The following MSRA variants were observed in gnomAD, a reference collection of about 807,000 sequenced individuals.
MSRA encodes the protein methionine sulfoxide reductase A.
In MSRA, 54 loss-of-function variants were observed where a neutral mutation model predicts 31.3. That is an observed-to-expected ratio of 1.73 (90% CI 1.39 to 2.17). The LOEUF is 2.17. Among genes scored for constraint, MSRA ranks in the 30% most tolerant of loss-of-function variants. The pLI, the probability that MSRA is intolerant of heterozygous loss-of-function variation, is 0.00. For missense variants in MSRA, 507 were observed against 300.9 expected, an observed-to-expected ratio of 1.69 and a Z score of -5.07; for synonymous variants, 169 against 116.5, an observed-to-expected ratio of 1.45 and a Z score of -2.90.
chr8:10,283,129 T>TACAC (rs66507479), intron 3 of MSRA, among the ~76,000 whole-genome samples: 16,087 of 138,466 alleles, frequency 0.12, 1,134 homozygotes, highest in Admixed American at 0.22. Context: ...ATATTCACAT[T>TACAC]ACACACACAC....
chr8:10,069,468 A>G (rs557995915), intron 1 of MSRA, among the ~76,000 whole-genome samples: 6 of 152,376 alleles, frequency 3.9e-5, no homozygotes, highest in African/African-American at 1.4e-4. Flanking sequence ...TAATTTATAA[A>G]GAAACGTATT....
chr8:10,309,050 C>T (rs965449758), intron 4 of MSRA, among the ~76,000 whole-genome samples: 3 of 152,216 alleles, frequency 2.0e-5, no homozygotes, highest in South Asian at 2.1e-4. Flanking sequence ...CTGAAGATAT[C>T]GTCCTCAGAA....
At chr8:10,291,807 C>G (rs971592205) in intron 3 of MSRA, among the ~76,000 whole-genome samples, 8 of 152,144 alleles carry the variant, frequency 5.3e-5, no homozygotes, top group Non-Finnish European at 1.2e-4. Context: ...AAAAAAATTA[C>G]TGTGTCTCCC....
chr8:10,392,548 C>G (rs896800505), intron 5 of MSRA, among the ~76,000 whole-genome samples: 1 of 152,132 alleles, frequency 6.6e-6, no homozygotes, highest in African/African-American at 2.4e-5. Flanking sequence ...CGATGATGCT[C>G]TTTGTGTTGT....
Position 10,198,206 on chromosome 8 carries a change from A to G in MSRA, c.143-9627A>G, listed in dbSNP as rs567169511. On this transcript the variant is annotated intron_variant, in intron 1 of 5. Transcript: ENST00000317173. The stretch of plus-strand genomic sequence containing the variant: ...AAATAAAAGTATAAAGAAGGAAGCA[A>G]AATCACCCATAAATCAGCATATAAA... Among the ~76,000 whole-genome samples the G allele has an allele frequency of 2.2e-3, 329 of 152,302 alleles. 3 individuals are homozygous for G. Among genetic ancestry groups the G allele is most frequent in the Non-Finnish European group, 3.4e-3 (232 of 68,032 alleles).
intron 1 of MSRA, among the ~76,000 whole-genome samples, chr8:10,091,907 G>A (rs763817327): frequency 3.9e-5 from 6 of 151,920 alleles, no homozygotes; most frequent in East Asian, 1.9e-4. Context: ...GTGTCCGGCC[G>A]GTAGTTCTAT....
intron 2 of MSRA, among the ~76,000 whole-genome samples, chr8:10,243,826 T>G (rs1232048580): frequency 6.6e-6 from 1 of 152,222 alleles, no homozygotes; most frequent in East Asian, 1.9e-4. Context: ...GTAATTATGA[T>G]ATCACAAACA....
At chr8:10,133,667 C>G (rs923216867) in intron 1 of MSRA, among the ~76,000 whole-genome samples, 3 of 152,102 alleles carry the variant, frequency 2.0e-5, no homozygotes, top group Non-Finnish European at 2.9e-5. Context: ...GCTTAAAGGA[C>G]GAGACAGATG....
At chr8:10,400,153 A>G (rs1434569963) in intron 5 of MSRA, among the ~76,000 whole-genome samples, 1 of 152,126 alleles carries the variant, frequency 6.6e-6, no homozygotes, top group Non-Finnish European at 1.5e-5. Context: ...CTGCAGAGAC[A>G]AAGTCAGACT....
At chr8:10,413,511 A>G (rs930616738) in intron 5 of MSRA, among the ~76,000 whole-genome samples, 1 of 152,362 alleles carries the variant, frequency 6.6e-6, no homozygotes, top group East Asian at 1.9e-4. Context: ...AATATGTAAC[A>G]AAGAAACATG....
chr8:10,232,299 C>T (rs573147721), intron 2 of MSRA, among the ~76,000 whole-genome samples: 6 of 152,264 alleles, frequency 3.9e-5, no homozygotes, highest in African/African-American at 1.4e-4. Context: ...CTCTTCCTAC[C>T]CCATCTGTTG....
At chr8:10,114,501 AT>A (rs973766005) in intron 1 of MSRA, among the ~76,000 whole-genome samples, 4 of 26,744 alleles carry the variant, frequency 1.5e-4, no homozygotes, top group Non-Finnish European at 3.8e-4. Context: ...AACACTTGTT[AT>A]TATTATTATT....
intron 3 of MSRA, among the ~76,000 whole-genome samples, chr8:10,256,677 A>G (rs1798198717): frequency 6.6e-6 from 1 of 152,124 alleles, no homozygotes; most frequent in African/African-American, 2.4e-5. Flanking sequence ...AAAACTTCCA[A>G]CAGTACTTTT....
intron 5 of MSRA, among the ~76,000 whole-genome samples, chr8:10,354,857 G>T (rs1181244341): frequency 6.6e-6 from 1 of 150,848 alleles, no homozygotes; most frequent in Admixed American, 6.6e-5. Context: ...CTTATTTAAC[G>T]GCTTTAGTGT....
intron 1 of MSRA, among the ~76,000 whole-genome samples, chr8:10,139,176 A>G (rs1028203491): frequency 6.6e-6 from 1 of 152,238 alleles, no homozygotes; most frequent in African/African-American, 2.4e-5. Context: ...CACTGTTGAT[A>G]TTTCATCAGA....
At position 10,411,054 on chromosome 8, in the gene MSRA, C is replaced by A. The variant is rs1323838683; in HGVS notation, c.544-17094C>A. ...ATCCTGACTGTACTTCATTGCTAAGCAGCTTAAACAGCCCGAATGAGACCC... is the reference window on the plus strand; with the variant it reads ...ATCCTGACTGTACTTCATTGCTAAGAAGCTTAAACAGCCCGAATGAGACCC... On this transcript the variant is annotated intron_variant, in intron 5 of 5. Transcript: ENST00000317173. 4 of 152,126 alleles carry A rather than the reference C, an allele frequency of 2.6e-5. No homozygotes were observed. In the East Asian group the frequency reaches 7.7e-4, roughly 29 times the overall value. The allele number at this position is 152,126 out of a possible 1,614,324, so 9.4% of individuals were successfully genotyped here. A position where few individuals can be genotyped will look rare whatever the true frequency, so the allele number is the denominator to read the frequency against.
intron 1 of MSRA, among the ~76,000 whole-genome samples, chr8:10,067,870 C>A (rs993336393): frequency 8.8e-6 from 1 of 114,088 alleles, no homozygotes; most frequent in Non-Finnish European, 1.9e-5. Flanking sequence ...TGTTTTCTTA[C>A]TGAGTTTTTT....
intron 1 of MSRA, among the ~76,000 whole-genome samples, chr8:10,130,436 C>G (rs747188710): frequency 1.7e-4 from 26 of 152,206 alleles, no homozygotes; most frequent in African/African-American, 6.3e-4. Context: ...AATATTATTT[C>G]AGATCTGAGG....
chr8:10,380,874 G>T (rs1270880502), intron 5 of MSRA, among the ~76,000 whole-genome samples: 1 of 151,680 alleles, frequency 6.6e-6, no homozygotes, highest in African/African-American at 2.4e-5. Flanking sequence ...TGGCTGGATG[G>T]GTGGGTGGGT....
Sources: allele counts gnomAD v4.1 joint callset (sites outside exome capture counted in the v4.1 genomes callset), GRCh38; gene constraint gnomAD v4.1.1; transcripts MANE v1.5; gene names NCBI Gene and HGNC (gene_info 2026-07-23, HGNC 2026-07-21).